Variants in TASP1 observed in about 807,000 individuals in gnomAD.
TASP1 encodes the protein taspase 1.
Under a neutral mutation model 56.6 loss-of-function variants are expected in TASP1, and 16 were observed. The ratio of observed to expected loss-of-function variants is 0.28; its 90% CI spans 0.19 to 0.43. TASP1 has a LOEUF of 0.43. Ranked by LOEUF, TASP1 falls within the 20% of genes least tolerant of loss-of-function variation. The probability of loss-of-function intolerance (pLI) is 1.00; values close to 1 mark genes in which losing one functional copy is unlikely to be tolerated. For synonymous variants in TASP1, 179 were observed against 184.2 expected (o/e 0.97, Z 0.23); for missense variants, 393 against 511.6 (o/e 0.77, Z 2.24).
the TASP1 span, among the ~76,000 whole-genome samples, chr20:13,347,667 C>T: frequency 2.6e-5 from 4 of 152,150 alleles, no homozygotes; most frequent in Non-Finnish European, 5.9e-5. Context: ...GGTGAAACCC[C>T]GTCTCTACTA....
the TASP1 span, among the ~76,000 whole-genome samples, chr20:13,130,061 G>T: frequency 6.6e-6 from 1 of 152,174 alleles, no homozygotes; most frequent in African/African-American, 2.4e-5. Context: ...AGAAGAAAAA[G>T]AAAATTGACA....
At chr20:13,482,270 C>T (rs1002339389) in intron 11 of TASP1, among the ~76,000 whole-genome samples, 2 of 152,124 alleles carry the variant, frequency 1.3e-5, no homozygotes, top group Non-Finnish European at 2.9e-5. Context: ...TTCCATTGGT[C>T]TATGTGTCTG....
intron 10 of TASP1, among the ~76,000 whole-genome samples, chr20:13,491,199 TG>T (rs1262923593): frequency 6.6e-6 from 1 of 152,178 alleles, no homozygotes; most frequent in Non-Finnish European, 1.5e-5. Context: ...ACAAATAGTA[TG>T]GTAAAGATTT....
chr20:13,230,982 C>G, the TASP1 span, among the ~76,000 whole-genome samples: 1 of 152,174 alleles, frequency 6.6e-6, no homozygotes, highest in Non-Finnish European at 1.5e-5. Context: ...CCATTGTGGT[C>G]CCTGACTTGA....
chr20:13,505,496 A>G lies in TASP1; in HGVS notation c.875-22159T>C, dbSNP rs569670054. Among the ~76,000 whole-genome samples the G allele has an allele frequency of 7.2e-4, 109 of 152,304 alleles. 1 individual carries two copies. The highest frequency in any genetic ancestry group is 2.4e-3 in the African/African-American group (98 of 41,580). On this transcript the variant is annotated intron_variant, in intron 10 of 13. Coordinates refer to ENST00000337743, the MANE Select transcript of TASP1 (RefSeq NM_017714.3). ...CTGCAGGATTTTCTCAAGTGCACAC[A>G]GGATACTTTCCAGGATGTGCTAGGC... is the stretch of plus-strand genomic sequence containing the variant.
chr20:13,397,546 A>G (rs1174091002), intron 13 of TASP1, among the ~76,000 whole-genome samples: 1 of 152,178 alleles, frequency 6.6e-6, no homozygotes, highest in East Asian at 1.9e-4. Context: ...CCCCCTGAAG[A>G]CTTACCATGA....
the TASP1 span, among the ~76,000 whole-genome samples, chr20:13,366,942 T>C: frequency 6.6e-6 from 1 of 152,116 alleles, no homozygotes; most frequent in South Asian, 2.1e-4. Flanking sequence ...AGCAGCTCAG[T>C]AATTGGTTTT....
At chr20:13,171,256 A>G in the TASP1 span, among the ~76,000 whole-genome samples, 1,359 of 152,320 alleles carry the variant, frequency 8.9e-3, 20 homozygotes, top group African/African-American at 0.031. Context: ...AACGTTATAC[A>G]TGTAAAGCTT....
chr20:13,212,740 C>G, the TASP1 span, among the ~76,000 whole-genome samples: 1 of 152,156 alleles, frequency 6.6e-6, no homozygotes, highest in Admixed American at 6.5e-5. Flanking sequence ...AAATCTCAAC[C>G]TTTATAAAAT....
chr20:13,589,129 C>T (rs1304462246), intron 4 of TASP1, among the ~76,000 whole-genome samples: 1 of 143,014 alleles, frequency 7.0e-6, no homozygotes, highest in African/African-American at 2.6e-5. Context: ...GTGATCTCGG[C>T]TCACTGCGAG....
At chr20:13,245,590 C>G in the TASP1 span, among the ~76,000 whole-genome samples, 5 of 152,184 alleles carry the variant, frequency 3.3e-5, no homozygotes, top group African/African-American at 9.7e-5. Context: ...CCACATGTAC[C>G]TGCCCATTCC....
chr20:13,421,782 C>T (rs895227326), intron 12 of TASP1, among the ~76,000 whole-genome samples: 4 of 152,170 alleles, frequency 2.6e-5, no homozygotes, highest in East Asian at 1.9e-4. Flanking sequence ...CAAGAACATT[C>T]TCTTAATCCG....
chr20:13,517,918 G>A (rs2044599330), intron 10 of TASP1, among the ~76,000 whole-genome samples: 1 of 152,064 alleles, frequency 6.6e-6, no homozygotes, highest in African/African-American at 2.4e-5. Flanking sequence ...TTAGAAATGT[G>A]CTGGTAGTTT....
intron 8 of TASP1, among the ~76,000 whole-genome samples, chr20:13,542,760 C>T (rs1015151423): frequency 1.3e-5 from 2 of 151,296 alleles, no homozygotes; most frequent in Non-Finnish European, 3.0e-5. Context: ...AAAATGGAAA[C>T]AAAAAATACT....
chr20:13,502,820 C>A (rs532793894), intron 10 of TASP1, among the ~76,000 whole-genome samples: 3 of 152,220 alleles, frequency 2.0e-5, no homozygotes, highest in African/African-American at 7.2e-5. Context: ...AGTCCAGAGT[C>A]CAACAGAGAA....
chr20:13,227,860 C>A, the TASP1 span, among the ~76,000 whole-genome samples: 3 of 151,600 alleles, frequency 2.0e-5, no homozygotes, highest in African/African-American at 7.3e-5. Flanking sequence ...TTAATAATGT[C>A]TATCTTAGGA....
intron 4 of TASP1, among the ~76,000 whole-genome samples, chr20:13,606,497 AC>A (rs1238379468): frequency 6.6e-6 from 1 of 152,064 alleles, no homozygotes; most frequent in Admixed American, 6.6e-5. Context: ...AGAATGTAAG[AC>A]CCTTAAATAT....
chr20:13,468,405 A>T (rs934295845), intron 11 of TASP1, among the ~76,000 whole-genome samples: 1 of 152,156 alleles, frequency 6.6e-6, no homozygotes, highest in East Asian at 1.9e-4. Context: ...ACATTGTTTA[A>T]TACACTTCAT....
At chr20:13,317,678 C>T in the TASP1 span, among the ~76,000 whole-genome samples, 1 of 152,078 alleles carries the variant, frequency 6.6e-6, no homozygotes, top group Non-Finnish European at 1.5e-5. Flanking sequence ...GGATGAAAGA[C>T]AACACAGTGG....
Sources: allele counts gnomAD v4.1 joint callset (sites outside exome capture counted in the v4.1 genomes callset), GRCh38; gene constraint gnomAD v4.1.1; transcripts MANE v1.5; gene names NCBI Gene and HGNC (gene_info 2026-07-23, HGNC 2026-07-21).